The following SCCPDH variants were observed in gnomAD, a reference collection of about 807,000 sequenced individuals.
The protein encoded by SCCPDH is saccharopine dehydrogenase-like oxidoreductase.
Under a neutral mutation model 51.5 loss-of-function variants are expected in SCCPDH, and 34 were observed. The ratio of observed to expected loss-of-function variants is 0.66; its 90% CI spans 0.50 to 0.88. The LOEUF is 0.88. SCCPDH is among the 40% of genes least tolerant of loss of function. SCCPDH has a pLI of 0.00. For synonymous variants in SCCPDH, 187 were observed against 191.3 expected (o/e 0.98, Z 0.19); for missense variants, 464 against 527.1 (o/e 0.88, Z 1.17).
In SCCPDH at chr1:246,762,983, G is replaced by C. The variant is rs12043173; in HGVS notation, c.991-1263G>C. On this transcript the variant is annotated intron_variant, in intron 9 of 11. Coordinates refer to ENST00000366510, the MANE Select transcript of SCCPDH (RefSeq NM_016002.3). ...AGCAGTGGTTCCCAACTTTGGAAGA[G>C]AACCCAAAACAGATGACCAGAGACT... Among the ~76,000 whole-genome samples the C allele has an allele frequency of 4.8e-3, 729 of 152,196 alleles. 18 individuals carry two copies. The East Asian group carries it at 0.082, about 17-fold the overall frequency.
intron 2 of SCCPDH, among the ~76,000 whole-genome samples, chr1:246,731,014 T>C (rs893931376): frequency 1.3e-5 from 2 of 152,126 alleles, no homozygotes; most frequent in African/African-American, 2.4e-5. Context: ...GAGCTGAGAT[T>C]GCGCCATTGT....
intron 5 of SCCPDH, among the ~76,000 whole-genome samples, chr1:246,749,117 A>G (rs1034447745): frequency 1.3e-5 from 2 of 152,202 alleles, no homozygotes; most frequent in Non-Finnish European, 2.9e-5. Context: ...TGCATGACTC[A>G]TCGCCTCGGC....
chr1:246,760,446 C>T (rs1009568723), intron 9 of SCCPDH, among the ~76,000 whole-genome samples: 2 of 152,098 alleles, frequency 1.3e-5, no homozygotes, highest in Non-Finnish European at 2.9e-5. Flanking sequence ...AAGAAACTTG[C>T]CCAAGTTTCT....
intron 4 of SCCPDH, among the ~76,000 whole-genome samples, chr1:246,740,665 C>T (rs990692845): frequency 1.3e-5 from 2 of 152,018 alleles, no homozygotes; most frequent in Non-Finnish European, 1.5e-5. Context: ...AATTTTTAAC[C>T]GTCAAAGCTA....
chr1:246,737,593 C>T (rs1008766965), intron 3 of SCCPDH, among the ~76,000 whole-genome samples: 1 of 150,710 alleles, frequency 6.6e-6, no homozygotes, highest in East Asian at 1.9e-4. Flanking sequence ...TAGTATCGAA[C>T]CCCCCCCTTT....
intron 4 of SCCPDH, among the ~76,000 whole-genome samples, chr1:246,742,158 A>G (rs1668691345): frequency 6.6e-6 from 1 of 152,256 alleles, no homozygotes; most frequent in Non-Finnish European, 1.5e-5. Flanking sequence ...GAACCATTCC[A>G]ATTAAAAAGT....
intron 5 of SCCPDH, 50 bp downstream of exon 5, chr1:246,744,175 T>C (rs1317474572): frequency 8.8e-7 from 1 of 1,135,894 alleles, no homozygotes; most frequent in Non-Finnish European, 1.3e-6. Context: ...ATTAAAAATA[T>C]TTTGGAAATG....
chr1:246,737,564 C>T (rs1436018781), intron 3 of SCCPDH, among the ~76,000 whole-genome samples: 1 of 151,994 alleles, frequency 6.6e-6, no homozygotes, highest in African/African-American at 2.4e-5. Context: ...TTTAAGTCAT[C>T]TAGAAACTAT....
Position 246,767,242 on chromosome 1 carries a change from T to C in SCCPDH, c.1232T>C (p.Ile411Thr). ...PGAAFSKTKL[I>T]DRLNKHGIEF... ...GCAGCTTTTTCCAAAACAAAGTTGA[T>C]TGACAGACTCAACAAACACGGTATT... The change falls in exon 12 of 12, where the codon ATT (isoleucine) becomes ACT (threonine). Residue 411 changes from isoleucine (I) to threonine (T), a missense_variant. Transcript: ENST00000366510. 3 of 1,611,488 alleles carry C rather than the reference T, an allele frequency of 1.9e-6. No individual in the cohort carries two copies. The highest frequency in any genetic ancestry group is 2.5e-6 in the Non-Finnish European group (3 of 1,178,538).
chr1:246,759,818 A>G, intron 7 of SCCPDH, 139 bp from the exon 8 acceptor site: 2 of 903,734 alleles, frequency 2.2e-6, no homozygotes, highest in Non-Finnish European at 3.3e-6. Flanking sequence ...ACAAGATTTC[A>G]GAACATAATG....
intron 9 of SCCPDH, among the ~76,000 whole-genome samples, chr1:246,760,622 A>G (rs1269570279): frequency 6.6e-6 from 1 of 152,018 alleles, no homozygotes; most frequent in Non-Finnish European, 1.5e-5. Flanking sequence ...CCTCTTCCAC[A>G]TACCCTGGAT....
chr1:246,762,323 G>A (rs577623386), intron 9 of SCCPDH, among the ~76,000 whole-genome samples: 18 of 152,252 alleles, frequency 1.2e-4, no homozygotes, highest in East Asian at 3.9e-4. Context: ...TTGGGTTGCC[G>A]TTTTACTTTG....
Position 246,739,044 on chromosome 1 carries a change from TGTG to T in SCCPDH, c.385-1127_385-1125del, listed in dbSNP as rs1668640221. 3.3e-5 allele frequency among the ~76,000 whole-genome samples: 5 copies of T among 151,336 alleles called. No individual in the cohort carries two copies. The South Asian group carries it at 1.0e-3, about 31-fold the overall frequency. ...ATGTGTTTGTGTGTGCATGAGCAAGTGTGTGTGTGTGATTGTGTTCGTGTGTGT... is the reference window on the plus strand; with the variant it reads ...ATGTGTTTGTGTGTGCATGAGCAAGTTGTGTGTGATTGTGTTCGTGTGTGT... On this transcript the variant is annotated intron_variant, in intron 3 of 11. Coordinates refer to ENST00000366510, the MANE Select transcript of SCCPDH (RefSeq NM_016002.3).
intron 5 of SCCPDH, among the ~76,000 whole-genome samples, chr1:246,757,033 T>G (rs1668940939): frequency 6.6e-6 from 1 of 152,122 alleles, no homozygotes; most frequent in Non-Finnish European, 1.5e-5. Context: ...AAGGCCCACC[T>G]AGAGGTTGGG....
rs1374291241 is a variant in SCCPDH at position 246,740,077 on chromosome 1, A to G, written c.385-95A>G. 2.0e-5 allele frequency: 20 copies of G among 1,007,312 alleles called. No individual in the cohort carries two copies. In the Admixed American group the frequency reaches 5.4e-4, roughly 27 times the overall value. 62.4% of individuals were successfully genotyped at this position (1,007,312 alleles called of 1,614,324 possible). On this transcript the variant is annotated intron_variant, in intron 3 of 11. Coordinates refer to ENST00000366510, the MANE Select transcript of SCCPDH (RefSeq NM_016002.3). ...CAGAGCCACACTGCTTAGCATTTTC[A>G]AAGTTTGGTTGCTTTGTTTTTAAAG...
At chr1:246,731,749 A>G (rs1466904776) in intron 2 of SCCPDH, among the ~76,000 whole-genome samples, 3 of 152,306 alleles carry the variant, frequency 2.0e-5, no homozygotes, top group South Asian at 4.1e-4. Context: ...GTTCTAGGGT[A>G]CATGTGCACA....
chr1:246,762,462 A>G (rs563748256), intron 9 of SCCPDH, among the ~76,000 whole-genome samples: 3 of 152,292 alleles, frequency 2.0e-5, no homozygotes, highest in African/African-American at 7.2e-5. Flanking sequence ...TCTTTCTAAG[A>G]CACAAAATCT....
intron 5 of SCCPDH, among the ~76,000 whole-genome samples, chr1:246,749,297 C>T (rs1158993121): frequency 2.0e-5 from 3 of 152,236 alleles, no homozygotes; most frequent in South Asian, 4.1e-4. Flanking sequence ...CAAGCATTTG[C>T]ATCCAGATAC....
At chr1:246,750,611 A>G (rs1453316219) in intron 5 of SCCPDH, among the ~76,000 whole-genome samples, 1 of 152,216 alleles carries the variant, frequency 6.6e-6, no homozygotes, top group Non-Finnish European at 1.5e-5. Context: ...TTTCTTAATG[A>G]CATGTACAGT....
Sources: gnomAD v4.1 joint callset for allele counts (sites outside exome capture counted in the v4.1 genomes callset) on GRCh38, gnomAD v4.1.1 for gene constraint, MANE v1.5 for transcripts, NCBI Gene and HGNC (gene_info 2026-07-23, HGNC 2026-07-21) for gene names.